The following KCNK12 variants were observed in gnomAD, a reference collection of about 807,000 sequenced individuals.
The protein encoded by KCNK12 is potassium channel subfamily K member 12.
A neutral mutation model predicts 25.3 loss-of-function variants in KCNK12; 6 were observed. The ratio of observed to expected loss-of-function variants is 0.24; its 90% confidence interval spans 0.13 to 0.47. KCNK12 has a LOEUF of 0.47. KCNK12 is among the 20% of genes least tolerant of loss of function. KCNK12 has a pLI of 0.99. For missense variants in KCNK12, 444 were observed against 661.7 expected, an observed-to-expected ratio of 0.67 and a Z score of 3.61; for synonymous variants, 331 against 311.1, an observed-to-expected ratio of 1.06 and a Z score of -0.67.
In KCNK12 at chr2:47,570,424, G is replaced by A; in HGVS notation, c.-93C>T. On this transcript the variant is annotated 5_prime_UTR_variant, in exon 1 of 2. Transcript: ENST00000327876. The stretch of plus-strand genomic sequence containing the variant: ...AGCAGGAGCGTGAGGATGGTGGCCA[G>A]GGGTCCGGGGCCGCCGCGGAGCCCC... The A allele has an allele frequency of 8.5e-7, 1 of 1,183,220 alleles. No homozygotes were observed. Among genetic ancestry groups the A allele is most frequent in the Non-Finnish European group, 1.0e-6 (1 of 953,832 alleles). 73.3% of individuals were successfully genotyped at this position (1,183,220 alleles called of 1,614,324 possible).
intron 1 of KCNK12, among the ~76,000 whole-genome samples, chr2:47,530,360 G>A (rs1415444119): frequency 6.6e-6 from 1 of 152,168 alleles, no homozygotes; most frequent in African/African-American, 2.4e-5. Context: ...CCTGGGACAT[G>A]TGCCCCAGCC....
intron 1 of KCNK12, among the ~76,000 whole-genome samples, chr2:47,558,825 G>A (rs762390995): frequency 2.0e-5 from 3 of 152,208 alleles, no homozygotes; most frequent in Non-Finnish European, 4.4e-5. Flanking sequence ...GTGCTGGGCC[G>A]TGTGGGTGGG....
chr2:47,552,291 T>C (rs1288742896), intron 1 of KCNK12, among the ~76,000 whole-genome samples: 1 of 152,142 alleles, frequency 6.6e-6, no homozygotes, highest in Non-Finnish European at 1.5e-5. Context: ...CACAGGGGGC[T>C]GCCCTCAGCA....
In KCNK12 at chr2:47,511,539, C is replaced by T. The variant is rs1431232157; in HGVS notation, c.*9368G>A. Among the ~76,000 whole-genome samples the T allele has an allele frequency of 5.9e-5, 9 of 152,146 alleles. No homozygotes were observed. Among genetic ancestry groups the T allele is most frequent in the Non-Finnish European group, 1.2e-4 (8 of 68,028 alleles). ...ACAGAGAGATGCCCACAGTGCATGACGTTACCCGCACAGGTGTGACATCAC... is the reference window on the plus strand; with the variant it reads ...ACAGAGAGATGCCCACAGTGCATGATGTTACCCGCACAGGTGTGACATCAC... On this transcript the variant is annotated 3_prime_UTR_variant, in exon 2 of 2. Transcript: ENST00000327876. The surrounding 1 kb of genome is among the most constrained non-coding windows in gnomAD (Gnocchi z 4.3).
intron 1 of KCNK12, among the ~76,000 whole-genome samples, chr2:47,531,765 C>T (rs901090284): frequency 6.6e-6 from 1 of 152,164 alleles, no homozygotes; most frequent in South Asian, 2.1e-4. Context: ...CAGTTCTAGG[C>T]AAGATTAGGC....
Position 47,513,937 on chromosome 2 carries a change from A to G in KCNK12, c.*6970T>C, listed in dbSNP as rs1428394115. Among the ~76,000 whole-genome samples the G allele has an allele frequency of 2.0e-5, 3 of 152,032 alleles. No individual in the cohort carries two copies. In the East Asian group the frequency reaches 5.8e-4, roughly 29 times the overall value. On this transcript the variant is annotated 3_prime_UTR_variant, in exon 2 of 2. Transcript: ENST00000327876. ...ATCTGCTTTCCTCCTCCACTCCTGC[A>G]TTCTGAGTCATTTTCGGCAGCACAC...
At chr2:47,545,643 A>G (rs2104829476) in intron 1 of KCNK12, among the ~76,000 whole-genome samples, 1 of 152,370 alleles carries the variant, frequency 6.6e-6, no homozygotes, top group Non-Finnish European at 1.5e-5. Context: ...TTGATCTGAG[A>G]AAGCCATTGA....
intron 1 of KCNK12, among the ~76,000 whole-genome samples, chr2:47,522,371 C>T (rs1034241174): frequency 2.0e-5 from 3 of 152,182 alleles, no homozygotes; most frequent in Admixed American, 6.5e-5. Context: ...AGTCTTGTTA[C>T]TTGGAAACTC....
intron 1 of KCNK12, among the ~76,000 whole-genome samples, chr2:47,549,329 A>G (rs1669376838): frequency 6.6e-6 from 1 of 152,220 alleles, no homozygotes; most frequent in African/African-American, 2.4e-5. Context: ...ATCTATAAAG[A>G]ACTGTCTGGC....
intron 1 of KCNK12, among the ~76,000 whole-genome samples, chr2:47,537,336 C>CT (rs5830962): frequency 0.28 from 41,175 of 146,614 alleles, 6,015 homozygotes; most frequent in East Asian, 0.52. Context: ...GATTTTCTTT[C>CT]TTTTTTTTTT....
Position 47,553,776 on chromosome 2 carries a change from T to C in KCNK12, c.391+16165A>G, listed in dbSNP as rs569057616. 2.2e-3 allele frequency among the ~76,000 whole-genome samples: 340 copies of C among 152,314 alleles called. 2 individuals are homozygous for C. The highest frequency in any genetic ancestry group is 7.9e-3 in the African/African-American group (328 of 41,576). On this transcript the variant is annotated intron_variant, in intron 1 of 1. Coordinates refer to ENST00000327876, the MANE Select transcript of KCNK12 (RefSeq NM_022055.2). ...AGCCCTCCAATATGACCTTAACCTATTGAAGCAGTTTCACCTGTCATTGTT... is the reference window on the plus strand; with the variant it reads ...AGCCCTCCAATATGACCTTAACCTACTGAAGCAGTTTCACCTGTCATTGTT...
intron 1 of KCNK12, among the ~76,000 whole-genome samples, chr2:47,550,533 C>T (rs1217146196): frequency 9.9e-5 from 15 of 151,774 alleles, no homozygotes; most frequent in Admixed American, 9.8e-4. Flanking sequence ...CAAGCGTGTC[C>T]CACCATGCCC....
rs1231873616 is a variant in KCNK12, at chr2:47,520,290, C to A, written c.*617G>T. On this transcript the variant is annotated 3_prime_UTR_variant, in exon 2 of 2. Coordinates refer to ENST00000327876, the MANE Select transcript of KCNK12 (RefSeq NM_022055.2). This position sits in a 1 kb window ranked among gnomAD's most constrained non-coding sequence, Gnocchi z 5.0. The stretch of plus-strand genomic sequence containing the variant: ...AGGCCAGCTAAGCCCCTCACCACTG[C>A]AATTTCCAAATCTGGGGGAAATGCC... 2 of 152,380 alleles carry A rather than the reference C, an allele frequency of 1.3e-5. No homozygotes were observed. Among genetic ancestry groups the A allele is most frequent in the Admixed American group, 1.3e-4 (2 of 15,280 alleles). The allele number at this position is 152,380 out of a possible 1,614,324, so 9.4% of individuals were successfully genotyped here. A position where few individuals can be genotyped will look rare whatever the true frequency, so the allele number is the denominator to read the frequency against.
intron 1 of KCNK12, among the ~76,000 whole-genome samples, chr2:47,523,404 C>T (rs1668703499): frequency 6.6e-6 from 1 of 152,224 alleles, no homozygotes; most frequent in African/African-American, 2.4e-5. Flanking sequence ...AAGAAAGGCT[C>T]TGGCCCAGCT....
chr2:47,521,155 C>T lies in KCNK12; in HGVS notation c.1045G>A (p.Gly349Ser), dbSNP rs1573621319. Residue 349 changes from glycine (G) to serine (S), a missense_variant, in exon 2 of 2, where the codon GGT (glycine) becomes AGT (serine). By Grantham distance (56) the Gly-to-Ser change is moderately conservative. Coordinates refer to ENST00000327876, the MANE Select transcript of KCNK12 (RefSeq NM_022055.2). ...CTGTCGCGGGCCGCGGGGTCGGCAC[C>T]GAGCGCGGCCAGGCGGCGGCGCAGC... is the stretch of plus-strand genomic sequence containing the variant. ...SRLRRRLAAL[G>S]ADPAARDSDA... 6 of 1,290,450 alleles carry T rather than the reference C, an allele frequency of 4.6e-6. No individual in the cohort carries two copies. Among genetic ancestry groups the T allele is most frequent in the Non-Finnish European group, 4.9e-6 (5 of 1,023,214 alleles). The allele number at this position is 1,290,450 out of a possible 1,614,324, so 79.9% of individuals were successfully genotyped here.
At position 47,569,875 on chromosome 2, in the gene KCNK12, A is replaced by G. The variant is rs1669853140; in HGVS notation, c.391+66T>C. 6 of 1,236,276 alleles carry G rather than the reference A, an allele frequency of 4.9e-6. No individual in the cohort carries two copies. Among genetic ancestry groups the G allele is most frequent in the Non-Finnish European group, 4.1e-6 (4 of 965,214 alleles). 76.6% of individuals were successfully genotyped at this position (1,236,276 alleles called of 1,614,324 possible). On this transcript the variant is annotated intron_variant, in intron 1 of 1. Transcript: ENST00000327876. The surrounding 1 kb of genome is among the most constrained non-coding windows in gnomAD (Gnocchi z 4.1). The stretch of plus-strand genomic sequence containing the variant: ...CCGAGGGACGCGGACCGAGCGGCCG[A>G]GCAGTGGAAAGGGCGGCAGGTGAAA...
rs1007655971 is a variant in KCNK12 at position 47,529,471 on chromosome 2, G to T, written c.392-7663C>A. On this transcript the variant is annotated intron_variant, in intron 1 of 1. Coordinates refer to ENST00000327876, the MANE Select transcript of KCNK12 (RefSeq NM_022055.2). This position sits in a 1 kb window ranked among gnomAD's most constrained non-coding sequence, Gnocchi z 4.3. Reference sequence around the variant, plus strand: ...GAATCTGTCCAACTACAAATATTTTGATTTAAATTTCCATTGACCTAAAAT... The same window carrying T: ...GAATCTGTCCAACTACAAATATTTTTATTTAAATTTCCATTGACCTAAAAT... Among the ~76,000 whole-genome samples the T allele has an allele frequency of 3.3e-5, 5 of 152,150 alleles. No individual in the cohort carries two copies. Among genetic ancestry groups the T allele is most frequent in the African/African-American group, 1.2e-4 (5 of 41,428 alleles).
At position 47,512,549 on chromosome 2, in the gene KCNK12, G is replaced by T; in HGVS notation, c.*8358C>A. The stretch of plus-strand genomic sequence containing the variant: ...AGCTCTCAAAAATGGACCAGAAAGG[G>T]GTCAGGAATATAACTTTCTCTGCCC... On this transcript the variant is annotated 3_prime_UTR_variant, in exon 2 of 2. Transcript: ENST00000327876. 8.4e-7 allele frequency: 1 copy of T among 1,189,800 alleles called. No homozygotes were observed. Among genetic ancestry groups the T allele is most frequent in the Non-Finnish European group, 1.2e-6 (1 of 863,404 alleles). 73.7% of individuals were successfully genotyped at this position (1,189,800 alleles called of 1,614,324 possible).
At chr2:47,549,608 A>T (rs958772969) in intron 1 of KCNK12, among the ~76,000 whole-genome samples, 5 of 152,160 alleles carry the variant, frequency 3.3e-5, no homozygotes, top group South Asian at 2.1e-4. Flanking sequence ...AATGGGAAAA[A>T]TTTTTTTAAA....
Sources: gnomAD v4.1 joint callset for allele counts (sites outside exome capture counted in the v4.1 genomes callset) on GRCh38, gnomAD v4.1.1 for gene constraint, Gnocchi (gnomAD v3.1) non-coding constraint, MANE v1.5 for transcripts, NCBI Gene and HGNC (gene_info 2026-07-23, HGNC 2026-07-21) for gene names.